The following OLFM3 variants were observed in gnomAD, a reference collection of about 807,000 sequenced individuals.
OLFM3 encodes the protein olfactomedin 3.
Under a neutral mutation model 48.6 loss-of-function variants are expected in OLFM3, and 20 were observed. That is an observed-to-expected ratio of 0.41 (90% CI 0.29 to 0.60). The LOEUF is 0.60. Ranked by LOEUF, OLFM3 falls within the 20% of genes least tolerant of loss-of-function variation. OLFM3 has a pLI of 0.28. For missense variants in OLFM3, 437 were observed against 544.3 expected (o/e 0.80, Z 1.96); for synonymous variants, 222 against 198.1 (o/e 1.12, Z -1.01).
At chr1:101,850,050 A>T (rs1239578921) in intron 1 of OLFM3, among the ~76,000 whole-genome samples, 1 of 152,234 alleles carries the variant, frequency 6.6e-6, no homozygotes, top group Non-Finnish European at 1.5e-5. Flanking sequence ...TGGTCAACGT[A>T]AAAATGCAGT....
intron 1 of OLFM3, among the ~76,000 whole-genome samples, chr1:101,939,881 T>C (rs1659734140): frequency 6.6e-6 from 1 of 152,164 alleles, no homozygotes; most frequent in African/African-American, 2.4e-5. Flanking sequence ...CTTTATGATA[T>C]TATCATAGCC....
chr1:101,903,445 A>G lies in OLFM3; in HGVS notation c.70-66420T>C, dbSNP rs142726721. Among the ~76,000 whole-genome samples, 208 of 152,196 alleles carry G rather than the reference A, an allele frequency of 1.4e-3. 2 individuals carry two copies. Among genetic ancestry groups the G allele is most frequent in the African/African-American group, 4.7e-3 (197 of 41,562 alleles). On this transcript the variant is annotated intron_variant, in intron 1 of 5. Coordinates refer to ENST00000370103, the MANE Select transcript of OLFM3 (RefSeq NM_058170.4). ...AGAGAAAGATTTAATACCAAGGAAA[A>G]TGAGTGGAAATTGGGGTTGCTGCAG...
At chr1:101,862,421 C>T (rs1167775423) in intron 1 of OLFM3, among the ~76,000 whole-genome samples, 1 of 152,156 alleles carries the variant, frequency 6.6e-6, no homozygotes, top group Non-Finnish European at 1.5e-5. Flanking sequence ...GTACTGAGCA[C>T]AGTGCTTATC....
At chr1:101,862,160 AC>A (rs2100964543) in intron 1 of OLFM3, among the ~76,000 whole-genome samples, 1 of 151,300 alleles carries the variant, frequency 6.6e-6, no homozygotes, top group South Asian at 2.1e-4. Flanking sequence ...TATCTGAAAA[AC>A]CCTTATCTGA....
intron 1 of OLFM3, among the ~76,000 whole-genome samples, chr1:101,842,292 G>C (rs1655762474): frequency 6.6e-6 from 1 of 152,132 alleles, no homozygotes; most frequent in Non-Finnish European, 1.5e-5. Flanking sequence ...CCAACACTTT[G>C]GGAGGCTGGG....
intron 1 of OLFM3, among the ~76,000 whole-genome samples, chr1:101,876,946 A>C (rs544032853): frequency 2.6e-5 from 4 of 151,868 alleles, no homozygotes; most frequent in Non-Finnish European, 5.9e-5. Context: ...TAGGTGTCTG[A>C]CTTGGGTTAT....
intron 1 of OLFM3, among the ~76,000 whole-genome samples, chr1:101,976,147 G>C (rs1386493229): frequency 6.6e-6 from 1 of 152,030 alleles, no homozygotes; most frequent in East Asian, 1.9e-4. Flanking sequence ...GTGATGTGTG[G>C]GTATTTTTGT....
At chr1:101,809,565 G>A (rs1653948267) in intron 4 of OLFM3, among the ~76,000 whole-genome samples, 4 of 151,778 alleles carry the variant, frequency 2.6e-5, no homozygotes, top group Non-Finnish European at 1.5e-5. Flanking sequence ...CCAAGACAGG[G>A]GAAGACATCA....
intron 1 of OLFM3, among the ~76,000 whole-genome samples, chr1:101,906,039 C>G (rs1383302343): frequency 2.6e-5 from 4 of 152,120 alleles, no homozygotes; most frequent in African/African-American, 7.2e-5. Context: ...TGTAATAGGG[C>G]TGAATTTCGA....
chr1:101,805,595 G>T, intron 5 of OLFM3, among the ~76,000 whole-genome samples: 1 of 151,824 alleles, frequency 6.6e-6, no homozygotes, highest in Non-Finnish European at 1.5e-5. Context: ...AAGTTTCAGC[G>T]CTATTTCTTT....
chr1:101,812,961 ATAAT>A, intron 4 of OLFM3: 1 of 1,016,666 alleles, frequency 9.8e-7, no homozygotes, highest in Non-Finnish European at 1.2e-6. Context: ...TAAAGATATA[ATAAT>A]TAATTTATTC....
intron 4 of OLFM3, among the ~76,000 whole-genome samples, chr1:101,819,708 G>GA (rs1157591729): frequency 6.6e-6 from 1 of 151,992 alleles, no homozygotes; most frequent in East Asian, 1.9e-4. Context: ...GGTATCTGGG[G>GA]GGGTCTTTAT....
intron 1 of OLFM3, among the ~76,000 whole-genome samples, chr1:101,868,367 T>G (rs752648212): frequency 2.0e-4 from 31 of 152,184 alleles, no homozygotes; most frequent in Non-Finnish European, 4.3e-4. Context: ...CAGGCTGAGG[T>G]GGTCTCAGAT....
chr1:101,851,004 T>C (rs1656201806), intron 1 of OLFM3, among the ~76,000 whole-genome samples: 1 of 151,840 alleles, frequency 6.6e-6, no homozygotes. Flanking sequence ...TAAACCAGAG[T>C]GACCTCTAGA....
At chr1:101,967,696 A>G (rs1200446465) in intron 1 of OLFM3, among the ~76,000 whole-genome samples, 2 of 151,994 alleles carry the variant, frequency 1.3e-5, no homozygotes, top group Non-Finnish European at 2.9e-5. Flanking sequence ...TCAGCGGAAA[A>G]AGAAATTGGT....
At chr1:101,994,233 C>A (rs1275029717) in intron 1 of OLFM3, among the ~76,000 whole-genome samples, 1 of 150,664 alleles carries the variant, frequency 6.6e-6, no homozygotes, top group Non-Finnish European at 1.5e-5. Flanking sequence ...CAAAGTATAA[C>A]AATATAGAAT....
chr1:101,899,742 T>G (rs1999795), intron 1 of OLFM3, among the ~76,000 whole-genome samples: 41,706 of 152,052 alleles, frequency 0.27, 7,205 homozygotes, highest in East Asian at 0.59. Flanking sequence ...AATACAAAAC[T>G]GTTTGAACTT....
chr1:101,918,099 CA>C (rs1162338546), intron 1 of OLFM3, among the ~76,000 whole-genome samples: 1 of 152,002 alleles, frequency 6.6e-6, no homozygotes, highest in Non-Finnish European at 1.5e-5. Flanking sequence ...TTAAGTCGTC[CA>C]AAGAAATTCA....
At chr1:101,849,221 G>T (rs1656129204) in intron 1 of OLFM3, among the ~76,000 whole-genome samples, 1 of 152,226 alleles carries the variant, frequency 6.6e-6, no homozygotes, top group African/African-American at 2.4e-5. Context: ...TAAAACAGCT[G>T]CAATTTGCAA....
Sources: gnomAD v4.1 joint callset for allele counts (sites outside exome capture counted in the v4.1 genomes callset) on GRCh38, gnomAD v4.1.1 for gene constraint, MANE v1.5 for transcripts, NCBI Gene and HGNC (gene_info 2026-07-23, HGNC 2026-07-21) for gene names.